Variants in PSD3 observed in about 807,000 individuals in gnomAD.
PSD3 encodes the protein PH and SEC7 domain-containing protein 3.
In PSD3, 49 loss-of-function variants were observed where a neutral mutation model predicts 105.5. The observed-to-expected ratio is 0.46, with a 90% CI of 0.37 to 0.59. The LOEUF (loss-of-function observed/expected upper bound fraction) is 0.59, where lower values mean the gene tolerates loss of function less well. PSD3 is among the 20% of genes least tolerant of loss of function. PSD3 has a pLI of 0.00. For missense variants in PSD3, 1,561 were observed against 1,263.8 expected, an observed-to-expected ratio of 1.24 and a Z score of -3.57; for synonymous variants, 557 against 457.8, an observed-to-expected ratio of 1.22 and a Z score of -2.77.
intron 2 of PSD3, among the ~76,000 whole-genome samples, chr8:18,923,445 T>C (rs1265717115): frequency 1.3e-5 from 2 of 152,154 alleles, no homozygotes; most frequent in Admixed American, 6.5e-5. Flanking sequence ...AGACCAAATA[T>C]AGTCATGTGC....
intron 9 of PSD3, among the ~76,000 whole-genome samples, chr8:18,743,490 C>T (rs997435269): frequency 2.0e-5 from 3 of 152,108 alleles, no homozygotes; most frequent in Non-Finnish European, 4.4e-5. Context: ...GAAGGACAAA[C>T]AGTCGTTCTC....
intron 9 of PSD3, among the ~76,000 whole-genome samples, chr8:18,694,065 A>C (rs1246254948): frequency 6.6e-6 from 1 of 152,230 alleles, no homozygotes; most frequent in Admixed American, 6.5e-5. Flanking sequence ...ATGAAACAGT[A>C]AGGTAACTAG....
chr8:18,568,320 G>C (rs1319235915), intron 14 of PSD3, among the ~76,000 whole-genome samples: 1 of 152,010 alleles, frequency 6.6e-6, no homozygotes, highest in Non-Finnish European at 1.5e-5. Context: ...CTCCCTGTTT[G>C]TATTAAATCT....
chr8:18,568,914 A>T (rs1331664130), intron 14 of PSD3, among the ~76,000 whole-genome samples: 11 of 147,000 alleles, frequency 7.5e-5, no homozygotes, highest in Admixed American at 2.8e-4. Context: ...TGTCCATGTG[A>T]TCTCACTGTT....
intron 1 of PSD3, among the ~76,000 whole-genome samples, chr8:19,073,425 C>T (rs1452364145): frequency 1.3e-5 from 2 of 151,902 alleles, no homozygotes; most frequent in Non-Finnish European, 2.9e-5. Flanking sequence ...GTGGCACACC[C>T]ATGTAATCCC....
intron 10 of PSD3, among the ~76,000 whole-genome samples, chr8:18,639,070 A>G (rs1807465138): frequency 6.6e-6 from 1 of 152,184 alleles, no homozygotes; most frequent in Non-Finnish European, 1.5e-5. Context: ...TAGGCAAAAT[A>G]GAAACCAGTC....
intron 9 of PSD3, among the ~76,000 whole-genome samples, chr8:18,672,614 AT>A (rs1329493845): frequency 6.6e-6 from 1 of 152,214 alleles, no homozygotes; most frequent in Non-Finnish European, 1.5e-5. Context: ...GAGAAAATAA[AT>A]TTTTTAAAGA....
At chr8:19,051,815 G>A (rs78681190) in intron 1 of PSD3, among the ~76,000 whole-genome samples, 2,485 of 152,200 alleles carry the variant, frequency 0.016, 85 homozygotes, top group African/African-American at 0.057. Context: ...TCTGTTTCAG[G>A]GAGAAAAACA....
intron 9 of PSD3, among the ~76,000 whole-genome samples, chr8:18,746,329 C>T (rs1805018999): frequency 1.3e-5 from 2 of 152,206 alleles, no homozygotes; most frequent in African/African-American, 4.8e-5. Context: ...CCCTCCCCTG[C>T]TGACCCTTGC....
intron 1 of PSD3, among the ~76,000 whole-genome samples, chr8:18,952,208 C>G (rs940828881): frequency 6.6e-6 from 1 of 152,158 alleles, no homozygotes; most frequent in African/African-American, 2.4e-5. Flanking sequence ...CCTCCCCTAC[C>G]CACATGCCTA....
At chr8:19,082,319 C>T (rs961889552) in intron 1 of PSD3, among the ~76,000 whole-genome samples, 8 of 152,174 alleles carry the variant, frequency 5.3e-5, no homozygotes, top group African/African-American at 1.7e-4. Flanking sequence ...CCTGGTCCTA[C>T]CTGGTGTCTC....
In PSD3 at chr8:18,642,792, C is replaced by T. The variant is rs370663085; in HGVS notation, c.2217-9986G>A. 6.6e-5 allele frequency among the ~76,000 whole-genome samples: 10 copies of T among 152,346 alleles called. No individual in the cohort carries two copies. In the East Asian group the frequency reaches 1.5e-3, roughly 23 times the overall value. On this transcript the variant is annotated intron_variant, in intron 10 of 15. Coordinates refer to ENST00000327040, the MANE Select transcript of PSD3 (RefSeq NM_015310.4). ...AATTTCTAAGTATCCATCTCAATCT[C>T]ATTATCAAGAGAAATGCCACTTAGA... is the stretch of plus-strand genomic sequence containing the variant.
chr8:18,860,459 A>T (rs545936273), intron 4 of PSD3, among the ~76,000 whole-genome samples: 23 of 106,198 alleles, frequency 2.2e-4, no homozygotes, highest in African/African-American at 1.1e-3. Context: ...TAATTTGAAT[A>T]AAAAAAAAAA....
chr8:18,659,434 G>A (rs1432790900), intron 9 of PSD3, among the ~76,000 whole-genome samples: 8 of 152,124 alleles, frequency 5.3e-5, no homozygotes, highest in African/African-American at 1.4e-4. Context: ...TTCCTTATAC[G>A]GATGAGGAAA....
intron 15 of PSD3, among the ~76,000 whole-genome samples, chr8:18,552,751 A>T (rs1800845174): frequency 6.6e-6 from 1 of 152,222 alleles, no homozygotes. Flanking sequence ...CTCAATGTAG[A>T]CTTGTCATGC....
At position 18,535,107 on chromosome 8, in the gene PSD3, T is replaced by A. The variant is rs1432817665; in HGVS notation, c.*636A>T. ...GGAATCAGCACTTCAAGCAAGCTAATGTGCTTCCCTAAGTTCTCAATCCTA... is the reference window on the plus strand; with the variant it reads ...GGAATCAGCACTTCAAGCAAGCTAAAGTGCTTCCCTAAGTTCTCAATCCTA... On this transcript the variant is annotated 3_prime_UTR_variant, in exon 16 of 16. Transcript: ENST00000327040. The A allele has an allele frequency of 3.3e-5, 5 of 152,822 alleles. No homozygotes were observed. The highest frequency in any genetic ancestry group is 5.9e-5 in the Non-Finnish European group (4 of 68,176). The allele number at this position is 152,822 out of a possible 1,614,324, so 9.5% of individuals were successfully genotyped here. A position where few individuals can be genotyped will look rare whatever the true frequency, so the allele number is the denominator to read the frequency against.
At chr8:18,616,543 A>C (rs2130683235) in intron 11 of PSD3, among the ~76,000 whole-genome samples, 2 of 151,856 alleles carry the variant, frequency 1.3e-5, no homozygotes, top group Admixed American at 1.3e-4. Flanking sequence ...CATCATGCCT[A>C]GGTTTTACCA....
At chr8:18,558,339 T>G (rs1292096418) in intron 14 of PSD3, among the ~76,000 whole-genome samples, 1 of 152,192 alleles carries the variant, frequency 6.6e-6, no homozygotes, top group African/African-American at 2.4e-5. Context: ...TGATGTATTT[T>G]CCTTCTTTTC....
At chr8:18,749,235 A>G (rs1805281311) in intron 9 of PSD3, among the ~76,000 whole-genome samples, 1 of 152,176 alleles carries the variant, frequency 6.6e-6, no homozygotes, top group Non-Finnish European at 1.5e-5. Flanking sequence ...ACCACACGTT[A>G]TCATCCTTCC....
Sources: allele counts gnomAD v4.1 joint callset (sites outside exome capture counted in the v4.1 genomes callset), GRCh38; gene constraint gnomAD v4.1.1; transcripts MANE v1.5; gene names NCBI Gene and HGNC (gene_info 2026-07-23, HGNC 2026-07-21).